The following SYNJ1 variants were observed in gnomAD, a reference collection of about 807,000 sequenced individuals.
The protein encoded by SYNJ1 is polyphosphatidylinositol phosphatase SYNJ1.
In SYNJ1, 78 loss-of-function variants were observed where a neutral mutation model predicts 168.2. The observed-to-expected ratio is 0.46, with a 90% CI of 0.39 to 0.56. The LOEUF (loss-of-function observed/expected upper bound fraction) is 0.56, where lower values mean the gene tolerates loss of function less well. Ranked by LOEUF, SYNJ1 falls within the 20% of genes least tolerant of loss-of-function variation. The pLI is 0.00. For synonymous variants in SYNJ1, 539 were observed against 548.6 expected (o/e 0.98, Z 0.24); for missense variants, 1,303 against 1,597.6 (o/e 0.82, Z 3.14).
intron 32 of SYNJ1, among the ~76,000 whole-genome samples, chr21:32,632,076 G>C (rs2039351297): frequency 6.6e-6 from 1 of 152,142 alleles, no homozygotes; most frequent in Non-Finnish European, 1.5e-5. Context: ...TTTTGAAATG[G>C]TAAGAAGGAG....
chr21:32,695,263 G>A lies in SYNJ1; in HGVS notation c.499C>T (p.His167Tyr), dbSNP rs750039424. The change falls in exon 5 of 33, where the codon CAT (histidine) becomes TAT (tyrosine). Residue 167 changes from histidine (H) to tyrosine (Y), a missense_variant. By Grantham distance (83) the His-to-Tyr change is moderately conservative. Coordinates refer to ENST00000674351, the MANE Select transcript of SYNJ1 (RefSeq NM_203446.3). ...CAATTCACGCCATAGTGTTTGAGAT[G>A]CAAATGCAAAGACTGATTCCTAATA... ...RFFWNQSLHLHLKHYGVNCDD... is the reference protein window; with the variant it reads ...RFFWNQSLHLYLKHYGVNCDD... 4 of 1,613,822 alleles carry A rather than the reference G, an allele frequency of 2.5e-6. No individual in the cohort carries two copies. The highest frequency in any genetic ancestry group is 3.4e-6 in the Non-Finnish European group (4 of 1,179,842).
At position 32,684,062 on chromosome 21, in the gene SYNJ1, A is replaced by G. The variant is rs779977140; in HGVS notation, c.1176T>C (p.Ser392=). 8.7e-6 allele frequency: 14 copies of G among 1,613,540 alleles called. No homozygotes were observed. The highest frequency in any genetic ancestry group is 5.3e-5 in the African/African-American group (4 of 74,918). Residue 392 remains serine, a synonymous_variant, in exon 10 of 33, where the codon AGT becomes AGC. Transcript: ENST00000674351. ...CCTCTAAGCCAAGAAATGCCTGCAC[A>G]CTATTTGTTCTATCAAGACAATCCA... ...NCLDCLDRTN[S]VQAFLGLEML...
At chr21:32,697,475 C>G (rs980311190) in intron 4 of SYNJ1, among the ~76,000 whole-genome samples, 1 of 150,584 alleles carries the variant, frequency 6.6e-6, no homozygotes, top group Non-Finnish European at 1.5e-5. Flanking sequence ...TGACTTTGCC[C>G]CCATCTCTAC....
chr21:32,678,181 G>A (rs2041486249), intron 12 of SYNJ1, among the ~76,000 whole-genome samples: 1 of 152,026 alleles, frequency 6.6e-6, no homozygotes, highest in African/African-American at 2.4e-5. Flanking sequence ...TTATTAATAT[G>A]ATTTAATGCT....
chr21:32,634,880 T>C lies in SYNJ1; in HGVS notation c.3920A>G (p.Glu1307Gly), dbSNP rs111335712. ...AGATACCTGTTACCCTGATGGTTGC[T>C]CCTGCTTTGAGAAAGGAAACAGACA... is the stretch of plus-strand genomic sequence containing the variant. ...PSEASSQPQQEQPSG is the reference protein window; with the variant it reads ...PSEASSQPQQGQPSG The change falls in exon 32 of 33, where the codon GAG becomes GGG. Residue 1307 changes from glutamate (E) to glycine (G), a missense_variant. Physicochemically the swap from Glu to Gly is moderately conservative, Grantham distance 98. Coordinates refer to ENST00000674351, the MANE Select transcript of SYNJ1 (RefSeq NM_203446.3). 3.1e-6 allele frequency: 5 copies of C among 1,613,804 alleles called. No individual in the cohort carries two copies. The highest frequency in any genetic ancestry group is 1.7e-5 in the Admixed American group (1 of 60,018).
At chr21:32,637,176 C>A (rs1022473336) in intron 31 of SYNJ1, among the ~76,000 whole-genome samples, 1 of 152,072 alleles carries the variant, frequency 6.6e-6, no homozygotes, top group Non-Finnish European at 1.5e-5. Context: ...GTAATTATGG[C>A]ACGCAACTAC....
chr21:32,641,253 A>AT (rs1417208161), intron 29 of SYNJ1, among the ~76,000 whole-genome samples: 3 of 152,170 alleles, frequency 2.0e-5, no homozygotes, highest in Non-Finnish European at 4.4e-5. Context: ...TAAGTCACTG[A>AT]TTACTGGTTT....
At chr21:32,635,345 A>G (rs1484801935) in intron 31 of SYNJ1, among the ~76,000 whole-genome samples, 1 of 152,120 alleles carries the variant, frequency 6.6e-6, no homozygotes, top group East Asian at 1.9e-4. Flanking sequence ...TCCTTATGAG[A>G]AGAGACACCA....
chr21:32,682,879 C>G (rs2041677768), intron 10 of SYNJ1, among the ~76,000 whole-genome samples: 1 of 152,116 alleles, frequency 6.6e-6, no homozygotes, highest in South Asian at 2.1e-4. Context: ...ATGTGATAAA[C>G]TCTTATCTAA....
intron 30 of SYNJ1, 85 bp from the exon 31 acceptor site, chr21:32,639,210 T>A: frequency 8.1e-7 from 1 of 1,234,640 alleles, no homozygotes; most frequent in East Asian, 2.4e-5. Flanking sequence ...TAGGAGAACA[T>A]TCTAGTTATT....
At chr21:32,722,204 AAATAT>A (rs1190223505) in intron 2 of SYNJ1, among the ~76,000 whole-genome samples, 1,377 of 71,094 alleles carry the variant, frequency 0.019, 16 homozygotes, top group African/African-American at 0.076. Flanking sequence ...AAAAAAAAAA[AAATAT>A]ATATATATAT....
At chr21:32,691,096 T>G (rs1232667699) in intron 6 of SYNJ1, among the ~76,000 whole-genome samples, 1 of 152,246 alleles carries the variant, frequency 6.6e-6, no homozygotes, top group African/African-American at 2.4e-5. Flanking sequence ...TGATACGGTT[T>G]GGATCTGTGT....
intron 15 of SYNJ1, among the ~76,000 whole-genome samples, chr21:32,670,029 G>A (rs1569070758): frequency 6.6e-6 from 1 of 152,098 alleles, no homozygotes; most frequent in Non-Finnish European, 1.5e-5. Flanking sequence ...TGAATTAAAT[G>A]TTTTTAAATT....
Position 32,681,355 on chromosome 21 carries a change from G to A in SYNJ1, c.1353+141C>T, listed in dbSNP as rs542230513. On this transcript the variant is annotated intron_variant, in intron 11 of 32. Transcript: ENST00000674351. Reference sequence around the variant, plus strand: ...CACTGTGAAAGGAAGTATCAAAGAAGGCATAAAAGCACATTAAACAGAATT... The same window carrying A: ...CACTGTGAAAGGAAGTATCAAAGAAAGCATAAAAGCACATTAAACAGAATT... 137 of 905,242 alleles carry A rather than the reference G, an allele frequency of 1.5e-4. No individual in the cohort carries two copies. The African/African-American group carries it at 2.1e-3, about 14-fold the overall frequency. 56.1% of individuals were successfully genotyped at this position (905,242 alleles called of 1,614,324 possible).
intron 27 of SYNJ1, among the ~76,000 whole-genome samples, chr21:32,642,461 T>C (rs575408329): frequency 1.1e-4 from 17 of 152,350 alleles, no homozygotes; most frequent in African/African-American, 3.8e-4. Context: ...CAGTCAGCTG[T>C]GTGAATGGTC....
intron 26 of SYNJ1, among the ~76,000 whole-genome samples, chr21:32,643,949 C>T (rs534518889): frequency 1.4e-4 from 22 of 152,190 alleles, no homozygotes; most frequent in Non-Finnish European, 2.6e-4. Flanking sequence ...AAACATGTTG[C>T]AAACACTACT....
At chr21:32,690,750 T>C (rs2041994333) in intron 6 of SYNJ1, among the ~76,000 whole-genome samples, 1 of 152,078 alleles carries the variant, frequency 6.6e-6, no homozygotes. Context: ...TGGTGAAACC[T>C]TGTCTCTACT....
intron 2 of SYNJ1, among the ~76,000 whole-genome samples, chr21:32,709,029 A>G (rs553977774): frequency 6.6e-6 from 1 of 152,344 alleles, no homozygotes; most frequent in East Asian, 1.9e-4. Flanking sequence ...AGACAATAAG[A>G]AGATTTTAAC....
intron 2 of SYNJ1, among the ~76,000 whole-genome samples, chr21:32,704,241 AT>A (rs2042517839): frequency 6.6e-6 from 1 of 152,130 alleles, no homozygotes; most frequent in African/African-American, 2.4e-5. Flanking sequence ...CAGTTTAGTT[AT>A]TTACATGTTT....
Sources: allele counts gnomAD v4.1 joint callset (sites outside exome capture counted in the v4.1 genomes callset), GRCh38; gene constraint gnomAD v4.1.1; transcripts MANE v1.5; gene names NCBI Gene and HGNC (gene_info 2026-07-23, HGNC 2026-07-21).